Variants in SNTG2 observed in about 807,000 individuals in gnomAD.
SNTG2 encodes the protein gamma-2-syntrophin.
SNTG2 carries 74 observed loss-of-function variants against 70.9 expected under a neutral mutation model. The ratio of observed to expected loss-of-function variants is 1.04; its 90% confidence interval spans 0.86 to 1.27. SNTG2 has a LOEUF of 1.27. SNTG2 is among the 50% of genes most tolerant of loss of function. SNTG2 has a pLI of 0.00. For synonymous variants in SNTG2, 278 were observed against 273.8 expected, an observed-to-expected ratio of 1.02 and a Z score of -0.15; for missense variants, 717 against 690.7, an observed-to-expected ratio of 1.04 and a Z score of -0.43.
intron 8 of SNTG2, among the ~76,000 whole-genome samples, chr2:1,182,924 T>G (rs1187641596): frequency 6.6e-6 from 1 of 152,120 alleles, no homozygotes. Flanking sequence ...AGATAATTTT[T>G]GTATCCTTTT....
chr2:1,170,511 G>A (rs1175112635), intron 7 of SNTG2, among the ~76,000 whole-genome samples: 4 of 152,108 alleles, frequency 2.6e-5, no homozygotes, highest in Non-Finnish European at 4.4e-5. Context: ...CTCAAACCCC[G>A]TGGCATCCGA....
chr2:1,165,626 C>T lies in SNTG2; in HGVS notation c.490C>T (p.Leu164Phe), dbSNP rs1670657140. 3 of 1,612,532 alleles carry T rather than the reference C, an allele frequency of 1.9e-6. No homozygotes were observed. The highest frequency in any genetic ancestry group is 2.5e-6 in the Non-Finnish European group (3 of 1,179,354). ...YLREAPAFLKLPLGSPGPSSD... is the reference protein window; with the variant it reads ...YLREAPAFLKFPLGSPGPSSD... ...CAGGGAAGCGCCGGCATTTCTGAAG[C>T]TCCCGTTAGGTAAGTGGGAAGAGGA... Residue 164 changes from leucine to phenylalanine, a missense_variant, in exon 7 of 17, where the codon CTC (leucine) becomes TTC (phenylalanine). By Grantham distance (22) the Leu-to-Phe change is conservative. Coordinates refer to ENST00000308624, the MANE Select transcript of SNTG2 (RefSeq NM_018968.4).
chr2:1,093,894 C>CA (rs11386674), intron 2 of SNTG2, among the ~76,000 whole-genome samples: 57,374 of 114,966 alleles, frequency 0.5, 13,487 homozygotes, highest in East Asian at 0.62. Context: ...TGGTTACTGG[C>CA]AAGGGCTGCC....
chr2:1,290,316 CCTT>C (rs1679938693), intron 14 of SNTG2, among the ~76,000 whole-genome samples: 1 of 117,772 alleles, frequency 8.5e-6, no homozygotes, highest in Admixed American at 8.4e-5. Context: ...AGTTCTACAT[CCTT>C]TTTTTTTTTT....
At chr2:1,106,256 A>T (rs4971442) in intron 4 of SNTG2, among the ~76,000 whole-genome samples, 1 of 90,744 alleles carries the variant, frequency 1.1e-5, no homozygotes, top group African/African-American at 4.3e-5. Flanking sequence ...GGTGCAGGGT[A>T]TGGAGAGCTC....
intron 4 of SNTG2, chr2:1,103,341 A>G (rs1665904134): frequency 3.8e-6 from 1 of 264,450 alleles, no homozygotes; most frequent in Non-Finnish European, 7.8e-6. Context: ...AATTCTTTCA[A>G]TTCATTAACC....
At chr2:1,164,681 G>A (rs1340106508) in intron 6 of SNTG2, among the ~76,000 whole-genome samples, 1 of 151,480 alleles carries the variant, frequency 6.6e-6, no homozygotes, top group East Asian at 2.0e-4. Context: ...GATGAAGTAA[G>A]GCAGGAACCT....
chr2:1,148,558 A>C (rs1359820997), intron 6 of SNTG2, among the ~76,000 whole-genome samples: 1 of 152,144 alleles, frequency 6.6e-6, no homozygotes, highest in Non-Finnish European at 1.5e-5. Context: ...CCAGCTTGCT[A>C]TTGCCCTCAC....
At chr2:1,225,453 C>T (rs1011937919) in intron 9 of SNTG2, among the ~76,000 whole-genome samples, 1 of 152,158 alleles carries the variant, frequency 6.6e-6, no homozygotes, top group Non-Finnish European at 1.5e-5. Context: ...CTTTGCACAT[C>T]GTTGACCGGT....
intron 8 of SNTG2, among the ~76,000 whole-genome samples, chr2:1,200,023 A>G (rs1198147719): frequency 2.0e-5 from 3 of 152,026 alleles, no homozygotes; most frequent in Non-Finnish European, 4.4e-5. Context: ...AATTTTATTA[A>G]TTTGTATGGA....
intron 1 of SNTG2, among the ~76,000 whole-genome samples, chr2:1,005,701 G>T (rs1282686033): frequency 1.3e-5 from 2 of 150,468 alleles, no homozygotes; most frequent in South Asian, 2.1e-4. Flanking sequence ...CTACTCAGGA[G>T]GCTGAGGCAG....
chr2:1,109,280 A>G (rs904327210), intron 4 of SNTG2, among the ~76,000 whole-genome samples: 19 of 152,238 alleles, frequency 1.2e-4, no homozygotes, highest in Admixed American at 5.9e-4. Context: ...GCTCTCCTCT[A>G]TGACTGGATG....
intron 1 of SNTG2, among the ~76,000 whole-genome samples, chr2:1,061,800 T>C (rs571813500): frequency 6.6e-6 from 1 of 152,220 alleles, no homozygotes; most frequent in African/African-American, 2.4e-5. Flanking sequence ...TCACAGTTCT[T>C]GTCAGGTGTC....
chr2:967,526 A>G (rs1224064722), intron 1 of SNTG2, among the ~76,000 whole-genome samples: 1 of 152,166 alleles, frequency 6.6e-6, no homozygotes, highest in African/African-American at 2.4e-5. Flanking sequence ...CTGTAATTTG[A>G]AATAACCTTA....
chr2:1,150,070 C>G (rs1458008537), intron 6 of SNTG2, among the ~76,000 whole-genome samples: 1 of 152,166 alleles, frequency 6.6e-6, no homozygotes, highest in Non-Finnish European at 1.5e-5. Flanking sequence ...AAATATTTCA[C>G]AATCACAGAT....
intron 8 of SNTG2, among the ~76,000 whole-genome samples, chr2:1,190,956 T>C (rs946073627): frequency 6.6e-6 from 1 of 152,128 alleles, no homozygotes; most frequent in Non-Finnish European, 1.5e-5. Context: ...TATGCAGAAA[T>C]TGCACTTATG....
chr2:1,215,560 T>TC (rs1674328915), intron 9 of SNTG2, among the ~76,000 whole-genome samples: 3 of 146,302 alleles, frequency 2.1e-5, no homozygotes, highest in South Asian at 2.2e-4. Context: ...CTTTTTTTTC[T>TC]TTTTTTTATT....
chr2:1,111,072 A>G (rs1666408418), intron 4 of SNTG2, among the ~76,000 whole-genome samples: 2 of 152,198 alleles, frequency 1.3e-5, no homozygotes, highest in African/African-American at 2.4e-5. Context: ...AGGGAGTCCC[A>G]TTTTCCAATC....
At chr2:973,250 A>T (rs565086323) in intron 1 of SNTG2, among the ~76,000 whole-genome samples, 1 of 152,364 alleles carries the variant, frequency 6.6e-6, no homozygotes, top group Admixed American at 6.5e-5. Flanking sequence ...GTTGCCAGTG[A>T]ATTCTCTCAG....
Sources: allele counts gnomAD v4.1 joint callset (sites outside exome capture counted in the v4.1 genomes callset), GRCh38; gene constraint gnomAD v4.1.1; transcripts MANE v1.5; gene names NCBI Gene and HGNC (gene_info 2026-07-23, HGNC 2026-07-21).